APLP2: variants seen among roughly 807,000 people sequenced by gnomAD.
APLP2 encodes the protein CDEI box-binding protein.
Under a neutral mutation model 89.9 loss-of-function variants are expected in APLP2, and 53 were observed. The observed-to-expected ratio is 0.59, with a 90% CI of 0.47 to 0.74. The LOEUF is 0.74. Ranked by LOEUF, APLP2 falls within the 30% of genes least tolerant of loss-of-function variation. The pLI is 0.00. For missense variants in APLP2, 973 were observed against 975.9 expected (o/e 1.00, Z 0.04); for synonymous variants, 372 against 348.6 (o/e 1.07, Z -0.75).
At chr11:130,099,558 G>T (rs1346292430) in intron 1 of APLP2, among the ~76,000 whole-genome samples, 2 of 152,170 alleles carry the variant, frequency 1.3e-5, no homozygotes, top group Non-Finnish European at 2.9e-5. Context: ...CGGAAGCTGG[G>T]CTAGAGCCAG....
chr11:130,122,374 G>A lies in APLP2; in HGVS notation c.783G>A (p.Glu261=). 1.2e-6 allele frequency: 2 copies of A among 1,614,142 alleles called. No individual in the cohort carries two copies. The highest frequency in any genetic ancestry group is 1.7e-6 in the Non-Finnish European group (2 of 1,180,006). ...EAAVDEDDED[E]EEGEEVVEDR... is the part of the protein sequence containing the mutation. ...CTGTGGATGAGGATGATGAGGATGA[G>A]GAAGAAGGGGAGGAAGTGGTGGAGG... The change falls in exon 6 of 17, where the codon GAG becomes GAA. Residue 261 remains glutamate (E), a synonymous_variant. Coordinates refer to ENST00000338167, the MANE Select transcript of APLP2 (RefSeq NM_001142276.2).
chr11:130,135,142 A>G (rs191242819), intron 12 of APLP2, among the ~76,000 whole-genome samples: 18 of 150,518 alleles, frequency 1.2e-4, no homozygotes, highest in Admixed American at 1.0e-3. Context: ...GACTGTAGTT[A>G]GTAATATCGT....
chr11:130,092,737 T>C lies in APLP2; in HGVS notation c.106-16692T>C, dbSNP rs558752735. Among the ~76,000 whole-genome samples, 345 of 149,008 alleles carry C rather than the reference T, an allele frequency of 2.3e-3. 3 individuals carry two copies. Among genetic ancestry groups the C allele is most frequent in the African/African-American group, 8.2e-3 (325 of 39,520 alleles). On this transcript the variant is annotated intron_variant, in intron 1 of 16. Transcript: ENST00000338167. Reference sequence around the variant, plus strand: ...GGGGAGGGGGAGGGAGAGGGAGCTCTGTCTTGATGATAGAATACCACTTAG... The same window carrying C: ...GGGGAGGGGGAGGGAGAGGGAGCTCCGTCTTGATGATAGAATACCACTTAG...
At chr11:130,092,747 A>C (rs1945595307) in intron 1 of APLP2, among the ~76,000 whole-genome samples, 1 of 151,222 alleles carries the variant, frequency 6.6e-6, no homozygotes, top group Non-Finnish European at 1.5e-5. Context: ...TGTCTTGATG[A>C]TAGAATACCA....
At chr11:130,140,735 A>C (rs1591856528) in intron 14 of APLP2, 1 of 282,462 alleles carries the variant, frequency 3.5e-6, no homozygotes, top group African/African-American at 2.2e-5. Flanking sequence ...ACAACTAAAG[A>C]TATGAATAAC....
At chr11:130,082,137 T>A (rs1336563090) in intron 1 of APLP2, among the ~76,000 whole-genome samples, 2 of 152,154 alleles carry the variant, frequency 1.3e-5, no homozygotes, top group African/African-American at 4.8e-5. Flanking sequence ...CTCATACAGA[T>A]TTTATTAATT....
intron 11 of APLP2, 38 bp downstream of exon 11, chr11:130,130,204 A>G: frequency 6.2e-7 from 1 of 1,614,050 alleles, no homozygotes; most frequent in Non-Finnish European, 8.5e-7. Flanking sequence ...CCGTGAGGGC[A>G]TTTCCAGTGG....
rs559408344 is a variant in APLP2 at position 130,076,463 on chromosome 11, A to G, written c.105+6381A>G. Among the ~76,000 whole-genome samples, 18 of 152,276 alleles carry G rather than the reference A, an allele frequency of 1.2e-4. No homozygotes were observed. The South Asian group carries it at 1.7e-3, about 14-fold the overall frequency. The stretch of plus-strand genomic sequence containing the variant: ...TTGTATTCTGACCTAAAGTTTTAAG[A>G]AAAGAAGTTACGGTTCCCTGTAGAG... On this transcript the variant is annotated intron_variant, in intron 1 of 16. Coordinates refer to ENST00000338167, the MANE Select transcript of APLP2 (RefSeq NM_001142276.2).
chr11:130,130,235 A>G (rs528488069), intron 11 of APLP2, 69 bp downstream of exon 11: 79 of 1,599,738 alleles, frequency 4.9e-5, no homozygotes, highest in Non-Finnish European at 6.7e-5. Context: ...GCCTTGACTA[A>G]TGGTTGACCA....
intron 1 of APLP2, among the ~76,000 whole-genome samples, chr11:130,090,729 T>G (rs1944847734): frequency 1.3e-5 from 2 of 152,160 alleles, no homozygotes; most frequent in Admixed American, 6.5e-5. Flanking sequence ...GCCCCTCCAC[T>G]CCACAAAGCC....
intron 1 of APLP2, among the ~76,000 whole-genome samples, chr11:130,079,876 A>G (rs1157034880): frequency 2.0e-5 from 3 of 152,182 alleles, no homozygotes; most frequent in Admixed American, 6.5e-5. Flanking sequence ...CAGACCCTTT[A>G]TCGGATAAGG....
chr11:130,121,475 A>G, intron 4 of APLP2, 139 bp from the exon 5 acceptor site: 1 of 1,107,210 alleles, frequency 9.0e-7, no homozygotes, highest in Non-Finnish European at 1.2e-6. Flanking sequence ...TTTTTTTTTG[A>G]CAGAAAATGT....
chr11:130,070,641 G>T, intron 1 of APLP2: 6 of 1,463,112 alleles, frequency 4.1e-6, no homozygotes, highest in Non-Finnish European at 5.4e-6. Flanking sequence ...GAGCTCCCGC[G>T]CCAGGCCGCC....
chr11:130,142,418 T>G (rs1952532064), intron 16 of APLP2, among the ~76,000 whole-genome samples: 1 of 152,172 alleles, frequency 6.6e-6, no homozygotes, highest in East Asian at 1.9e-4. Context: ...AACAGGAAAT[T>G]TAGAAAGTGC....
chr11:130,143,403 C>T lies in APLP2; in HGVS notation c.2211C>T (p.Gly737=). The change falls in exon 17 of 17, where the codon GGC becomes GGT. Residue 737 remains glycine (G), a synonymous_variant. Transcript: ENST00000338167. ...ACCTGAACAAGATGCAGAACCATGG[C>T]TATGAGAACCCCACCTACAAATACC... ...ERHLNKMQNH[G]YENPTYKYLE... is the part of the protein sequence containing the mutation. 4 of 1,613,966 alleles carry T rather than the reference C, an allele frequency of 2.5e-6. No homozygotes were observed. The highest frequency in any genetic ancestry group is 3.4e-6 in the Non-Finnish European group (4 of 1,179,988).
chr11:130,134,282 A>C (rs576911747), intron 12 of APLP2, among the ~76,000 whole-genome samples: 41 of 152,304 alleles, frequency 2.7e-4, no homozygotes, highest in Non-Finnish European at 5.1e-4. Flanking sequence ...ACTCGGGCAG[A>C]GTGCTAGAGA....
chr11:130,126,126 C>G (rs1288747367), intron 7 of APLP2, among the ~76,000 whole-genome samples: 1 of 152,212 alleles, frequency 6.6e-6, no homozygotes, highest in East Asian at 1.9e-4. Context: ...TTCACTGATA[C>G]TGAAAACTCA....
chr11:130,088,361 G>C (rs1235066028), intron 1 of APLP2, among the ~76,000 whole-genome samples: 3 of 152,158 alleles, frequency 2.0e-5, no homozygotes, highest in Non-Finnish European at 4.4e-5. Flanking sequence ...AACTGAAATC[G>C]GGAGTAACAG....
chr11:130,133,656 G>T lies in APLP2; in HGVS notation c.1612G>T (p.Glu538Ter). 2 of 1,614,176 alleles carry T rather than the reference G, an allele frequency of 1.2e-6. No homozygotes were observed. Among genetic ancestry groups the T allele is most frequent in the Non-Finnish European group, 1.7e-6 (2 of 1,179,998 alleles). The part of the protein sequence containing the change: ...QVMTHLHVIE[E>*]RRNQSLSLLY... Reference sequence around the variant, plus strand: ...GATGACACATCTCCACGTGATTGAAGAAAGGAGGAACCAAAGCCTCTCTCT... The same window carrying T: ...GATGACACATCTCCACGTGATTGAATAAAGGAGGAACCAAAGCCTCTCTCT... The change falls in exon 12 of 17, where the codon GAA (glutamate) becomes TAA (stop). Residue 538 changes from glutamate (E) to a stop codon, truncating the protein, a stop_gained. Transcript: ENST00000338167. LOFTEE classifies it high-confidence loss of function.
Sources: allele counts gnomAD v4.1 joint callset (sites outside exome capture counted in the v4.1 genomes callset), GRCh38; gene constraint gnomAD v4.1.1; transcripts MANE v1.5; gene names NCBI Gene and HGNC (gene_info 2026-07-23, HGNC 2026-07-21).